NRG3: variants seen among roughly 807,000 people sequenced by gnomAD.
The protein encoded by NRG3 is neuregulin 3.
A neutral mutation model predicts 66.9 loss-of-function variants in NRG3; 31 were observed. The observed-to-expected ratio is 0.46, with a 90% confidence interval of 0.35 to 0.63. The LOEUF is 0.63. Among genes scored for constraint, NRG3 ranks in the 20% least tolerant of loss-of-function variants. The probability of loss-of-function intolerance (pLI) is 0.00; values close to 1 mark genes in which losing one functional copy is unlikely to be tolerated. For missense variants in NRG3, 910 were observed against 878.9 expected (o/e 1.04, Z -0.45); for synonymous variants, 393 against 359.4 (o/e 1.09, Z -1.06).
At chr10:82,446,478 C>A (rs1354051468) in intron 2 of NRG3, among the ~76,000 whole-genome samples, 3 of 152,248 alleles carry the variant, frequency 2.0e-5, no homozygotes, top group East Asian at 1.9e-4. Context: ...AGATCATGTC[C>A]TTTACAAGGA....
intron 2 of NRG3, among the ~76,000 whole-genome samples, chr10:82,461,955 A>AC (rs2131973003): frequency 6.6e-6 from 1 of 152,004 alleles, no homozygotes; most frequent in East Asian, 1.9e-4. Flanking sequence ...ACATGGAGAA[A>AC]CCCCGTCTCT....
intron 1 of NRG3, among the ~76,000 whole-genome samples, chr10:82,022,101 T>C (rs1372950467): frequency 1.3e-5 from 2 of 152,026 alleles, no homozygotes; most frequent in Non-Finnish European, 2.9e-5. Flanking sequence ...ATTGAGCACA[T>C]ACTATGTGTG....
chr10:82,327,570 TA>T (rs2081939007), intron 1 of NRG3, among the ~76,000 whole-genome samples: 1 of 152,076 alleles, frequency 6.6e-6, no homozygotes, highest in Non-Finnish European at 1.5e-5. Flanking sequence ...TATGGAAGCT[TA>T]GGGACCCTCA....
intron 1 of NRG3, among the ~76,000 whole-genome samples, chr10:81,957,808 A>G (rs1047677546): frequency 2.6e-5 from 4 of 152,240 alleles, no homozygotes; most frequent in Non-Finnish European, 4.4e-5. Context: ...GATAATATCT[A>G]TTTTATGGAA....
intron 4 of NRG3, among the ~76,000 whole-genome samples, chr10:82,867,262 C>T (rs1267155273): frequency 3.3e-5 from 5 of 152,148 alleles, no homozygotes; most frequent in African/African-American, 7.2e-5. Flanking sequence ...TTCAATATTA[C>T]GTAGGTTTCT....
rs148513095 is a variant in NRG3, at chr10:82,796,600, G to GA, written c.1027+57954dup. 9.1e-3 allele frequency among the ~76,000 whole-genome samples: 1,380 copies of GA among 152,278 alleles called. 7 individuals are homozygous for GA. Among genetic ancestry groups the GA allele is most frequent in the Middle Eastern group, 0.02 (6 of 294 alleles). On this transcript the variant is annotated intron_variant, in intron 3 of 8. Transcript: ENST00000372141. ...AAAGAGAGAGAGAGGGGGAGGCAAA[G>GA]AAAAGGAGGAACAAAAGCAGCATTA...
chr10:82,924,536 A>G (rs61858814), intron 4 of NRG3, among the ~76,000 whole-genome samples: 18 of 149,978 alleles, frequency 1.2e-4, no homozygotes, highest in Non-Finnish European at 2.2e-4. Flanking sequence ...CCCATATCTG[A>G]TTTTCGAAGT....
At position 82,711,535 on chromosome 10, in the gene NRG3, TTGTGTGTG is replaced by T. The variant is rs10603040; in HGVS notation, c.954-27015_954-27008del. On this transcript the variant is annotated intron_variant, in intron 2 of 8. Coordinates refer to ENST00000372141, the MANE Select transcript of NRG3 (RefSeq NM_001010848.4). ...AATATATCTGGATTTATCTGTGTGT[TTGTGTGTG>T]TGTGTGTGTGTGTGTGTGTGTGTGT... 7.5e-3 allele frequency among the ~76,000 whole-genome samples: 1,119 copies of T among 148,314 alleles called. 11 individuals carry two copies. Among genetic ancestry groups the T allele is most frequent in the East Asian group, 0.03 (149 of 4,998 alleles).
intron 2 of NRG3, among the ~76,000 whole-genome samples, chr10:82,363,160 A>C (rs1369766635): frequency 6.6e-6 from 1 of 152,124 alleles, no homozygotes; most frequent in Non-Finnish European, 1.5e-5. Context: ...GGGTAACATT[A>C]AAATAAAAGC....
chr10:82,271,606 TA>T (rs2134319999), intron 1 of NRG3, among the ~76,000 whole-genome samples: 1 of 151,960 alleles, frequency 6.6e-6, no homozygotes, highest in East Asian at 1.9e-4. Context: ...CTACAACTAC[TA>T]ACTAATTAAC....
intron 5 of NRG3, among the ~76,000 whole-genome samples, chr10:82,955,956 C>T (rs916334978): frequency 1.3e-5 from 2 of 151,938 alleles, no homozygotes; most frequent in Middle Eastern, 3.4e-3. Flanking sequence ...TCAGAGCTCC[C>T]TCTGAGGTTT....
chr10:82,659,326 G>GCTGTCT (rs1178141360), intron 2 of NRG3, among the ~76,000 whole-genome samples: 4 of 152,140 alleles, frequency 2.6e-5, no homozygotes, highest in Non-Finnish European at 4.4e-5. Context: ...TAGTAGTATA[G>GCTGTCT]CTGTCTCTGC....
chr10:82,823,782 G>A (rs746011095), intron 3 of NRG3, among the ~76,000 whole-genome samples: 8 of 152,050 alleles, frequency 5.3e-5, no homozygotes, highest in African/African-American at 1.9e-4. Flanking sequence ...TGAGGTCTCC[G>A]TTGCAGCTGC....
chr10:82,726,756 C>G (rs1044249611), intron 2 of NRG3, among the ~76,000 whole-genome samples: 1 of 152,098 alleles, frequency 6.6e-6, no homozygotes, highest in Admixed American at 6.6e-5. Flanking sequence ...AACTGGGTAA[C>G]AAGCAGAGGT....
chr10:82,205,305 C>G (rs892683684), intron 1 of NRG3, among the ~76,000 whole-genome samples: 1 of 152,126 alleles, frequency 6.6e-6, no homozygotes, highest in African/African-American at 2.4e-5. Context: ...TGTGGTTCTT[C>G]TGGGTTCCAT....
At chr10:82,377,463 A>ACGC (rs1564854368) in intron 2 of NRG3, among the ~76,000 whole-genome samples, 10 of 151,268 alleles carry the variant, frequency 6.6e-5, no homozygotes, top group African/African-American at 1.7e-4. Context: ...TGTGTGCGCG[A>ACGC]GCGCACATGC....
At chr10:82,115,838 G>A (rs1447538484) in intron 1 of NRG3, among the ~76,000 whole-genome samples, 3 of 152,226 alleles carry the variant, frequency 2.0e-5, no homozygotes. Context: ...GCCTCTGGTG[G>A]GCAGATGGCA....
intron 2 of NRG3, among the ~76,000 whole-genome samples, chr10:82,366,443 G>A (rs751573951): frequency 1.3e-5 from 2 of 152,046 alleles, no homozygotes; most frequent in African/African-American, 2.4e-5. Context: ...AATTCCTATC[G>A]CTAATTTTAA....
At chr10:82,930,110 T>A (rs1320743462) in intron 4 of NRG3, among the ~76,000 whole-genome samples, 1 of 152,090 alleles carries the variant, frequency 6.6e-6, no homozygotes, top group South Asian at 2.1e-4. Context: ...TTTGTGAACT[T>A]TTTCTCAAGG....
Sources: gnomAD v4.1 joint callset for allele counts (sites outside exome capture counted in the v4.1 genomes callset) on GRCh38, gnomAD v4.1.1 for gene constraint, MANE v1.5 for transcripts, NCBI Gene and HGNC (gene_info 2026-07-23, HGNC 2026-07-21) for gene names.